Variants in UGT2B7 observed in about 807,000 individuals in gnomAD.
UGT2B7 encodes the protein UDP-glucuronosyltransferase 2B7.
In UGT2B7, 51 loss-of-function variants were observed where a neutral mutation model predicts 51.9. That is an observed-to-expected ratio of 0.98 (90% CI 0.78 to 1.24). UGT2B7 has a LOEUF of 1.24. Ranked by LOEUF, UGT2B7 falls within the 50% of genes most tolerant of loss-of-function variation. The probability of loss-of-function intolerance (pLI) is 0.00; values close to 1 mark genes in which losing one functional copy is unlikely to be tolerated. For synonymous variants in UGT2B7, 225 were observed against 211.6 expected, an observed-to-expected ratio of 1.06 and a Z score of -0.55; for missense variants, 727 against 628.4, an observed-to-expected ratio of 1.16 and a Z score of -1.68.
At chr4:69,103,140 C>T (rs1408724041) in intron 3 of UGT2B7, among the ~76,000 whole-genome samples, 3 of 151,606 alleles carry the variant, frequency 2.0e-5, no homozygotes, top group Non-Finnish European at 2.9e-5. Flanking sequence ...TATGAACATT[C>T]CCCTATGTAA....
At chr4:69,108,503 A>G (rs1719680342) in intron 5 of UGT2B7, among the ~76,000 whole-genome samples, 181 bp downstream of exon 5, 2 of 151,732 alleles carry the variant, frequency 1.3e-5, no homozygotes, top group Non-Finnish European at 2.9e-5. Context: ...AAACACATAC[A>G]TCTAAAGAAT....
intron 1 of UGT2B7, among the ~76,000 whole-genome samples, chr4:69,066,852 A>G (rs143854123): frequency 3.9e-5 from 6 of 152,242 alleles, no homozygotes; most frequent in African/African-American, 1.4e-4. Context: ...CTGAAAAATG[A>G]CAGCTCATTT....
intron 1 of UGT2B7, among the ~76,000 whole-genome samples, chr4:69,073,381 G>C (rs4410590): frequency 0.43 from 65,239 of 151,966 alleles, 15,563 homozygotes; most frequent in African/African-American, 0.64. Context: ...ATGTCCTGCA[G>C]TGATTTTTTC....
chr4:69,060,448 C>T (rs1718319640), intron 1 of UGT2B7, among the ~76,000 whole-genome samples: 1 of 152,212 alleles, frequency 6.6e-6, no homozygotes, highest in African/African-American at 2.4e-5. Flanking sequence ...GAAAAAGGAG[C>T]TCCTCCTCTG....
At chr4:69,065,612 A>G (rs1416360552) in intron 1 of UGT2B7, among the ~76,000 whole-genome samples, 2 of 152,212 alleles carry the variant, frequency 1.3e-5, no homozygotes, top group African/African-American at 4.8e-5. Context: ...AATAATTTGT[A>G]AATCAGAAAC....
At chr4:69,092,955 C>T (rs1469665702), upstream of UGT2B7, among the ~76,000 whole-genome samples, 1 of 109,472 alleles carries the variant, frequency 9.1e-6, no homozygotes, top group Non-Finnish European at 1.8e-5. Context: ...ACAATACCCC[C>T]ACCCCAGAAA....
intron 1 of UGT2B7, among the ~76,000 whole-genome samples, chr4:69,064,878 C>T (rs184074307): frequency 1.1e-4 from 16 of 152,038 alleles, no homozygotes; most frequent in East Asian, 3.9e-4. Context: ...AATATTTTGC[C>T]GTTAACGTTG....
At chr4:69,078,613 T>A (rs1290022655) in intron 1 of UGT2B7, among the ~76,000 whole-genome samples, 3 of 152,138 alleles carry the variant, frequency 2.0e-5, no homozygotes, top group African/African-American at 7.2e-5. Context: ...CATGACTGTG[T>A]GTATTTTGTT....
Position 69,097,190 on chromosome 4 carries a change from T to A in UGT2B7, c.670T>A (p.Phe224Ile). Residue 224 changes from phenylalanine to isoleucine, a missense_variant, in exon 1 of 6, where the codon TTC (phenylalanine) becomes ATC (isoleucine). By Grantham distance (21) the Phe-to-Ile change is conservative. Transcript: ENST00000305231. ...MIYVLYFDFW[F>I]EIFDMKKWDQ... The stretch of plus-strand genomic sequence containing the variant: ...CTATGTGCTTTACTTTGACTTTTGG[T>A]TCGAAATATTTGACATGAAGAAGTG... 6.2e-7 allele frequency: 1 copy of A among 1,612,716 alleles called. No individual in the cohort carries two copies. Among genetic ancestry groups the A allele is most frequent in the Non-Finnish European group, 8.5e-7 (1 of 1,179,368 alleles).
chr4:69,108,316 ATCCT>A lies in UGT2B7; in HGVS notation c.1307_1310del (p.Pro436HisfsTer7), dbSNP rs758725646. The stretch of plus-strand genomic sequence containing the variant: ...AATGCATTGAAGAGAGTAATTAATG[ATCCT>A]TCGTGAGTAGAACAATATTTTTCAC... On this transcript the variant is annotated frameshift_variant and splice_region_variant, in exon 5 of 6. Coordinates refer to ENST00000305231, the MANE Select transcript of UGT2B7 (RefSeq NM_001074.4). LOFTEE classifies it high-confidence loss of function. 3.7e-6 allele frequency: 6 copies of A among 1,613,184 alleles called. No individual in the cohort carries two copies. In the African/African-American group the frequency reaches 6.7e-5, roughly 18 times the overall value.
chr4:69,065,632 G>C (rs541566590), intron 1 of UGT2B7, among the ~76,000 whole-genome samples: 3 of 152,136 alleles, frequency 2.0e-5, no homozygotes, highest in African/African-American at 4.8e-5. Flanking sequence ...CAAATTATAT[G>C]TACTTTCTAA....
At chr4:69,098,916 G>C (rs1313282404) in intron 2 of UGT2B7, among the ~76,000 whole-genome samples, 5 of 151,738 alleles carry the variant, frequency 3.3e-5, no homozygotes, top group Admixed American at 2.6e-4. Flanking sequence ...TTGAAAATAG[G>C]GTTGGTTAAA....
At chr4:69,091,536 C>T (rs1264904059), upstream of UGT2B7, among the ~76,000 whole-genome samples, 4 of 151,996 alleles carry the variant, frequency 2.6e-5, no homozygotes, top group Admixed American at 6.6e-5. Context: ...CAAAATAAAG[C>T]GTGGCCATTC....
At chr4:69,078,987 G>A (rs1287716319) in intron 1 of UGT2B7, among the ~76,000 whole-genome samples, 2 of 152,112 alleles carry the variant, frequency 1.3e-5, no homozygotes, top group Admixed American at 6.6e-5. Context: ...TGGGCTGGAA[G>A]CTCTAGGAGG....
At chr4:69,112,063 A>C (rs1719787932) in intron 5 of UGT2B7, among the ~76,000 whole-genome samples, 2 of 152,172 alleles carry the variant, frequency 1.3e-5, no homozygotes, top group African/African-American at 4.8e-5. Flanking sequence ...TGAAATCCAC[A>C]AGCAGACAGC....
rs143248219 is a variant in UGT2B7, at chr4:69,105,250, C to G, written c.1003-1925C>G. On this transcript the variant is annotated intron_variant, in intron 3 of 5. Transcript: ENST00000305231. ...GGCACAGAAACAACTTCAGATACCC[C>G]CTCTATAAAATATAGTAGAAATATA... Among the ~76,000 whole-genome samples the G allele has an allele frequency of 5.1e-3, 732 of 144,848 alleles. 2 individuals are homozygous for G. The highest frequency in any genetic ancestry group is 0.01 in the Admixed American group (149 of 14,718).
intron 1 of UGT2B7, among the ~76,000 whole-genome samples, chr4:69,085,538 T>C (rs7677611): frequency 0.58 from 87,657 of 151,898 alleles, 26,288 homozygotes; most frequent in African/African-American, 0.71. Context: ...AGTATTTGTC[T>C]ATGCCTATGT....
intron 5 of UGT2B7, among the ~76,000 whole-genome samples, 190 bp from the exon 6 acceptor site, chr4:69,112,267 C>T (rs1034781802): frequency 2.6e-5 from 4 of 152,130 alleles, no homozygotes; most frequent in South Asian, 2.1e-4. Context: ...GACCCTCTCA[C>T]GCAGACCCCC....
At chr4:69,054,692 A>G (rs1028791487) in intron 1 of UGT2B7, among the ~76,000 whole-genome samples, 2 of 151,606 alleles carry the variant, frequency 1.3e-5, no homozygotes, top group Non-Finnish European at 2.9e-5. Flanking sequence ...AGCGTCACCA[A>G]CCCCTGCAAA....
Sources: gnomAD v4.1 joint callset for allele counts (sites outside exome capture counted in the v4.1 genomes callset) on GRCh38, gnomAD v4.1.1 for gene constraint, MANE v1.5 for transcripts, NCBI Gene and HGNC (gene_info 2026-07-23, HGNC 2026-07-21) for gene names.